ABCD3: variants seen among roughly 807,000 people sequenced by gnomAD.
ABCD3 encodes the protein ATP-binding cassette sub-family D member 3.
In ABCD3, 41 loss-of-function variants were observed where a neutral mutation model predicts 105.5. The ratio of observed to expected loss-of-function variants is 0.39; its 90% confidence interval spans 0.30 to 0.50. The LOEUF is 0.50. Ranked by LOEUF, ABCD3 falls within the 20% of genes least tolerant of loss-of-function variation. ABCD3 has a pLI of 0.84. For missense variants in ABCD3, 622 were observed against 806.3 expected, an observed-to-expected ratio of 0.77 and a Z score of 2.77; for synonymous variants, 258 against 269.0, an observed-to-expected ratio of 0.96 and a Z score of 0.40.
chr1:94,446,855 A>G (rs1660367826), intron 1 of ABCD3, among the ~76,000 whole-genome samples: 1 of 152,216 alleles, frequency 6.6e-6, no homozygotes, highest in South Asian at 2.1e-4. Context: ...ACCTGGGACT[A>G]TTCAACCGAT....
the ABCD3 span, among the ~76,000 whole-genome samples, chr1:94,394,899 G>T: frequency 6.6e-6 from 1 of 152,112 alleles, no homozygotes; most frequent in African/African-American, 2.4e-5. Flanking sequence ...ATTTTCAATC[G>T]TGTCTATCTT....
At chr1:94,455,719 T>A (rs1357018940) in intron 1 of ABCD3, 2 of 602,152 alleles carry the variant, frequency 3.3e-6, no homozygotes, top group Admixed American at 4.7e-5. Context: ...ATGTCATGGT[T>A]CCCTCTGAAC....
intron 20 of ABCD3, among the ~76,000 whole-genome samples, chr1:94,501,546 A>G (rs1237775762): frequency 6.6e-6 from 1 of 152,196 alleles, no homozygotes; most frequent in Non-Finnish European, 1.5e-5. Flanking sequence ...AAATTACCAA[A>G]GTAGAAAGTT....
intron 1 of ABCD3, among the ~76,000 whole-genome samples, chr1:94,435,543 G>A (rs1659871045): frequency 6.6e-6 from 1 of 152,106 alleles, no homozygotes. Context: ...AAAAAAGAGA[G>A]TTATAGTGTC....
At chr1:94,395,733 A>G in the ABCD3 span, among the ~76,000 whole-genome samples, 1 of 152,194 alleles carries the variant, frequency 6.6e-6, no homozygotes, top group Admixed American at 6.6e-5. Context: ...TGTTTTTGCC[A>G]TTAAAATTAA....
chr1:94,488,084 C>A (rs892746782), intron 13 of ABCD3, 101 bp downstream of exon 13: 2 of 984,312 alleles, frequency 2.0e-6, no homozygotes, highest in African/African-American at 1.7e-5. Flanking sequence ...GTCAACATTT[C>A]CTAGCCCAGG....
At chr1:94,447,558 C>T (rs372338842) in intron 1 of ABCD3, among the ~76,000 whole-genome samples, 37 of 152,298 alleles carry the variant, frequency 2.4e-4, no homozygotes, top group African/African-American at 8.9e-4. Flanking sequence ...GTTAAACAGT[C>T]CAATAATTTG....
intron 21 of ABCD3, among the ~76,000 whole-genome samples, chr1:94,508,590 C>T (rs1207464962): frequency 2.7e-5 from 4 of 150,276 alleles, no homozygotes; most frequent in Non-Finnish European, 5.9e-5. Context: ...GGCAGTATGG[C>T]CATTTTCACG....
the ABCD3 span, among the ~76,000 whole-genome samples, chr1:94,391,761 C>T: frequency 5.3e-5 from 8 of 152,208 alleles, no homozygotes; most frequent in African/African-American, 1.9e-4. Flanking sequence ...TCTTTGGACC[C>T]TTTCCTCAAA....
chr1:94,506,247 C>T (rs1398369046), intron 20 of ABCD3, among the ~76,000 whole-genome samples: 1 of 151,924 alleles, frequency 6.6e-6, no homozygotes, highest in Non-Finnish European at 1.5e-5. Flanking sequence ...GTTTAGTGAG[C>T]TTTCTTTAAT....
intron 20 of ABCD3, among the ~76,000 whole-genome samples, chr1:94,500,369 T>C (rs1049338534): frequency 4.0e-5 from 6 of 151,860 alleles, no homozygotes; most frequent in African/African-American, 9.7e-5. Context: ...AGCCCAGGAG[T>C]TTGAGGCTGC....
intron 20 of ABCD3, among the ~76,000 whole-genome samples, chr1:94,501,169 G>A (rs1650074236): frequency 6.6e-6 from 1 of 150,834 alleles, no homozygotes; most frequent in Non-Finnish European, 1.5e-5. Context: ...GCTGAGGCGG[G>A]AGAATCACTT....
At chr1:94,393,995 A>T in the ABCD3 span, among the ~76,000 whole-genome samples, 1 of 152,226 alleles carries the variant, frequency 6.6e-6, no homozygotes, top group East Asian at 1.9e-4. Flanking sequence ...CAAAGATGGT[A>T]TAGGTTGCCT....
At chr1:94,517,012 C>G (rs1366039893) in intron 22 of ABCD3, 40 bp from the exon 23 acceptor site, 1 of 1,339,820 alleles carries the variant, frequency 7.5e-7, no homozygotes, top group Admixed American at 1.7e-5. Flanking sequence ...ACTATATTCA[C>G]TCTTAGTTAC....
At chr1:94,476,955 G>A (rs1338267714) in intron 7 of ABCD3, among the ~76,000 whole-genome samples, 1 of 138,640 alleles carries the variant, frequency 7.2e-6, no homozygotes, top group South Asian at 2.4e-4. Flanking sequence ...GGAATGGGGG[G>A]TGTATCTATA....
At chr1:94,456,207 A>C (rs1474991315) in intron 1 of ABCD3, among the ~76,000 whole-genome samples, 1 of 126,086 alleles carries the variant, frequency 7.9e-6, no homozygotes, top group Admixed American at 8.2e-5. Context: ...GGCTTATTTC[A>C]TTTAGTATAA....
chr1:94,426,620 G>A (rs893543004), intron 1 of ABCD3, among the ~76,000 whole-genome samples: 17 of 150,976 alleles, frequency 1.1e-4, no homozygotes, highest in Admixed American at 6.6e-5. Flanking sequence ...TTGGCTTACC[G>A]CAACCTCCGA....
rs560419273 is a variant in ABCD3, at chr1:94,484,624, C to T, written c.897+1385C>T. On this transcript the variant is annotated intron_variant, in intron 10 of 22. Coordinates refer to ENST00000370214, the MANE Select transcript of ABCD3 (RefSeq NM_002858.4). Reference sequence around the variant, plus strand: ...ACCCAGGGTGGGGAACACCACACACCGGGGCCTGTTGTGGGGTGGGGGCCT... The same window carrying T: ...ACCCAGGGTGGGGAACACCACACACTGGGGCCTGTTGTGGGGTGGGGGCCT... 7.9e-5 allele frequency among the ~76,000 whole-genome samples: 12 copies of T among 151,982 alleles called. No individual in the cohort carries two copies. In the South Asian group the frequency reaches 1.9e-3, roughly 24 times the overall value.
intron 1 of ABCD3, among the ~76,000 whole-genome samples, chr1:94,433,479 G>T (rs908729414): frequency 1.3e-5 from 2 of 151,898 alleles, no homozygotes; most frequent in African/African-American, 2.4e-5. Flanking sequence ...ATTGTTGTGT[G>T]AACATCATAG....
Sources: gnomAD v4.1 joint callset for allele counts (sites outside exome capture counted in the v4.1 genomes callset) on GRCh38, gnomAD v4.1.1 for gene constraint, MANE v1.5 for transcripts, NCBI Gene and HGNC (gene_info 2026-07-23, HGNC 2026-07-21) for gene names.